Variants in SNTG1 observed in about 807,000 individuals in gnomAD.
The protein encoded by SNTG1 is syntrophin gamma 1.
Under a neutral mutation model 74.7 loss-of-function variants are expected in SNTG1, and 39 were observed. The observed-to-expected ratio is 0.52, with a 90% confidence interval of 0.40 to 0.68. The LOEUF is 0.68. Ranked by LOEUF, SNTG1 falls within the 30% of genes least tolerant of loss-of-function variation. The pLI, the probability that SNTG1 is intolerant of heterozygous loss-of-function variation, is 0.00. For missense variants in SNTG1, 685 were observed against 609.5 expected (o/e 1.12, Z -1.30); for synonymous variants, 254 against 217.1 (o/e 1.17, Z -1.49).
chr8:50,377,970 A>G (rs2092417139), intron 2 of SNTG1, among the ~76,000 whole-genome samples: 1 of 152,200 alleles, frequency 6.6e-6, no homozygotes, highest in Non-Finnish European at 1.5e-5. Flanking sequence ...TCCGGATGGA[A>G]ACCTCTGTGG....
At chr8:50,259,552 G>T (rs1217762119) in intron 2 of SNTG1, among the ~76,000 whole-genome samples, 2 of 54,628 alleles carry the variant, frequency 3.7e-5, no homozygotes, top group South Asian at 1.7e-3. Context: ...AAGAAAGAAA[G>T]AAAGAAAGAA....
chr8:50,380,946 C>T (rs544431036), intron 2 of SNTG1: 1 of 152,220 alleles, frequency 6.6e-6, no homozygotes, highest in East Asian at 1.9e-4. Context: ...GGTCAGGAAC[C>T]AGGCTGTTAC....
At chr8:50,718,841 C>T (rs1305357190) in intron 17 of SNTG1, among the ~76,000 whole-genome samples, 1 of 152,166 alleles carries the variant, frequency 6.6e-6, no homozygotes, top group Non-Finnish European at 1.5e-5. Context: ...ATTAATTTGT[C>T]AGTTATTTTA....
At chr8:49,955,553 T>C (rs1810078905) in intron 1 of SNTG1, among the ~76,000 whole-genome samples, 3 of 152,222 alleles carry the variant, frequency 2.0e-5, no homozygotes, top group African/African-American at 7.2e-5. Context: ...TTGTCTTTAA[T>C]GGGAAATGAA....
intron 18 of SNTG1, among the ~76,000 whole-genome samples, chr8:50,792,215 T>C (rs916653589): frequency 5.9e-5 from 9 of 151,830 alleles, no homozygotes; most frequent in African/African-American, 1.7e-4. Context: ...CCCTTACTTC[T>C]AGCATTTCTT....
intron 1 of SNTG1, among the ~76,000 whole-genome samples, chr8:50,074,307 C>T (rs1482799350): frequency 1.3e-5 from 2 of 152,164 alleles, no homozygotes; most frequent in African/African-American, 4.8e-5. Context: ...CCTCACTCAG[C>T]CTTCATAGAA....
At chr8:50,483,630 C>A (rs80332135) in intron 8 of SNTG1, among the ~76,000 whole-genome samples, 11,904 of 152,094 alleles carry the variant, frequency 0.078, 1,023 homozygotes, top group African/African-American at 0.22. Context: ...ATGACTCATG[C>A]AGTGGACGGA....
chr8:50,254,862 A>AG (rs1465237819), intron 2 of SNTG1, among the ~76,000 whole-genome samples: 26 of 151,492 alleles, frequency 1.7e-4, no homozygotes, highest in East Asian at 1.4e-3. Flanking sequence ...AGAAAAAAAA[A>AG]AAAAAGAAAG....
intron 1 of SNTG1, among the ~76,000 whole-genome samples, chr8:50,007,185 G>A (rs569505585): frequency 6.6e-6 from 1 of 152,218 alleles, no homozygotes; most frequent in African/African-American, 2.4e-5. Context: ...GAGACTAGCT[G>A]ATCTTCCCTC....
intron 2 of SNTG1, among the ~76,000 whole-genome samples, chr8:50,299,127 A>T (rs953063219): frequency 6.6e-6 from 1 of 152,178 alleles, no homozygotes; most frequent in African/African-American, 2.4e-5. Context: ...TTCTAGGACC[A>T]GTTTACACCT....
chr8:50,081,261 A>T (rs990310193), intron 1 of SNTG1, among the ~76,000 whole-genome samples: 2 of 117,058 alleles, frequency 1.7e-5, no homozygotes, highest in Non-Finnish European at 3.5e-5. Context: ...TTCTGCCATA[A>T]TTTTTTTGTC....
intron 1 of SNTG1, among the ~76,000 whole-genome samples, chr8:49,925,111 C>A (rs1405561869): frequency 1.3e-5 from 2 of 152,066 alleles, no homozygotes; most frequent in Admixed American, 1.3e-4. Flanking sequence ...CATAATCATA[C>A]CACTGCATTC....
At chr8:50,168,269 A>T (rs574503740) in intron 1 of SNTG1, among the ~76,000 whole-genome samples, 1 of 152,184 alleles carries the variant, frequency 6.6e-6, no homozygotes, top group African/African-American at 2.4e-5. Context: ...ACAAACACAA[A>T]CCAGTTTACA....
At chr8:50,406,797 G>C (rs1161905621) in intron 4 of SNTG1, among the ~76,000 whole-genome samples, 2 of 152,092 alleles carry the variant, frequency 1.3e-5, no homozygotes, top group Non-Finnish European at 2.9e-5. Context: ...CAATTGAGAT[G>C]ATCATGTGTG....
chr8:50,177,357 A>G (rs1456955184), intron 2 of SNTG1, among the ~76,000 whole-genome samples: 1 of 152,092 alleles, frequency 6.6e-6, no homozygotes, highest in Non-Finnish European at 1.5e-5. Flanking sequence ...GATTACTCCT[A>G]GTGATGGCTC....
Position 50,792,326 on chromosome 8 carries a change from A to C in SNTG1, c.1396-345A>C, listed in dbSNP as rs2095693339. Reference sequence around the variant, plus strand: ...TTTATCATCTGATGTGTGCACAAAGAGATAAAAATACTTTTAAAAGTACTT... The same window carrying C: ...TTTATCATCTGATGTGTGCACAAAGCGATAAAAATACTTTTAAAAGTACTT... On this transcript the variant is annotated intron_variant, in intron 18 of 18. Coordinates refer to ENST00000642720, the MANE Select transcript of SNTG1 (RefSeq NM_018967.5). 2.0e-5 allele frequency among the ~76,000 whole-genome samples: 3 copies of C among 151,898 alleles called. No individual in the cohort carries two copies. In the South Asian group the frequency reaches 6.2e-4, roughly 31 times the overall value.
intron 9 of SNTG1, among the ~76,000 whole-genome samples, chr8:50,527,266 C>T (rs944251533): frequency 2.0e-5 from 3 of 152,010 alleles, no homozygotes; most frequent in Admixed American, 6.6e-5. Flanking sequence ...ATATAAATTA[C>T]GAAGATTTTC....
chr8:50,757,583 C>G (rs966747612), intron 18 of SNTG1, among the ~76,000 whole-genome samples: 3 of 151,786 alleles, frequency 2.0e-5, no homozygotes, highest in Non-Finnish European at 2.9e-5. Context: ...AAGTGGATTT[C>G]TTGCAGATAA....
intron 2 of SNTG1, among the ~76,000 whole-genome samples, chr8:50,233,869 G>A (rs1360241817): frequency 4.0e-5 from 6 of 151,842 alleles, no homozygotes; most frequent in African/African-American, 1.4e-4. Flanking sequence ...AATGTTAGGA[G>A]AGCTAAAGTA....
Sources: gnomAD v4.1 joint callset for allele counts (sites outside exome capture counted in the v4.1 genomes callset) on GRCh38, gnomAD v4.1.1 for gene constraint, MANE v1.5 for transcripts, NCBI Gene and HGNC (gene_info 2026-07-23, HGNC 2026-07-21) for gene names.